SMCO4: variants seen among roughly 807,000 people sequenced by gnomAD.
SMCO4 encodes single-pass membrane and coiled-coil domain-containing protein 4.
Under a neutral mutation model 3.6 loss-of-function variants are expected in SMCO4, and 4 were observed. The observed-to-expected ratio is 1.11, with a 90% CI of 0.54 to 2.53. SMCO4 has a LOEUF of 2.53. Among genes scored for constraint, SMCO4 ranks in the 30% most tolerant of loss-of-function variants. The pLI is 0.02. For missense variants in SMCO4, 70 were observed against 80.8 expected (o/e 0.87, Z 0.51); for synonymous variants, 36 against 35.3 (o/e 1.02, Z -0.07).
chr11:93,518,163 C>T (rs908399406), intron 1 of SMCO4, among the ~76,000 whole-genome samples: 1 of 152,154 alleles, frequency 6.6e-6, no homozygotes, highest in Non-Finnish European at 1.5e-5. Context: ...TATGGATTTA[C>T]CTATTCTGGA....
At chr11:93,504,113 ATTTT>A (rs1948875667) in intron 1 of SMCO4, among the ~76,000 whole-genome samples, 2 of 152,324 alleles carry the variant, frequency 1.3e-5, no homozygotes, top group African/African-American at 2.4e-5. Context: ...AGTCTGAATT[ATTTT>A]TACAAAGAAA....
intron 1 of SMCO4, among the ~76,000 whole-genome samples, chr11:93,505,691 C>T (rs1948892074): frequency 6.6e-6 from 1 of 152,084 alleles, no homozygotes; most frequent in Non-Finnish European, 1.5e-5. Context: ...CTTGAAAATC[C>T]TTCAATCAAA....
intron 1 of SMCO4, among the ~76,000 whole-genome samples, chr11:93,531,146 T>C (rs1949158034): frequency 6.6e-6 from 1 of 152,216 alleles, no homozygotes; most frequent in East Asian, 1.9e-4. Context: ...TAAAGCAGAA[T>C]GCCTTCCCTC....
chr11:93,492,391 T>C (rs1948727517), intron 2 of SMCO4, among the ~76,000 whole-genome samples: 1 of 152,250 alleles, frequency 6.6e-6, no homozygotes, highest in South Asian at 2.1e-4. Flanking sequence ...TGCTGGGTAA[T>C]GTCCTGGTGA....
chr11:93,527,485 G>T (rs527979950), intron 1 of SMCO4, among the ~76,000 whole-genome samples: 2 of 152,248 alleles, frequency 1.3e-5, no homozygotes, highest in Non-Finnish European at 2.9e-5. Flanking sequence ...TTGAGACATG[G>T]TCTCACTGTC....
intron 1 of SMCO4, among the ~76,000 whole-genome samples, chr11:93,511,303 TCCCTGACTGTCA>T (rs1948954771): frequency 6.6e-6 from 1 of 152,182 alleles, no homozygotes; most frequent in African/African-American, 2.4e-5. Flanking sequence ...AGTTAGGTTT[TCCCTGACTGTCA>T]TGCCAGACGC....
At chr11:93,525,084 C>T (rs1455772396) in intron 1 of SMCO4, among the ~76,000 whole-genome samples, 4 of 152,158 alleles carry the variant, frequency 2.6e-5, no homozygotes, top group Non-Finnish European at 5.9e-5. Context: ...ACTGCCACTC[C>T]CAGCTGTGGT....
chr11:93,539,836 C>T (rs1171357723), intron 1 of SMCO4, among the ~76,000 whole-genome samples: 2 of 152,050 alleles, frequency 1.3e-5, no homozygotes, highest in African/African-American at 4.8e-5. Flanking sequence ...ACCAAACTAG[C>T]TTTGACCGTC....
intron 1 of SMCO4, among the ~76,000 whole-genome samples, chr11:93,537,183 G>C (rs1420628907): frequency 2.0e-5 from 3 of 152,238 alleles, no homozygotes; most frequent in Non-Finnish European, 2.9e-5. Flanking sequence ...CACCAGCAGA[G>C]CTGCTCCCAG....
At chr11:93,551,309 C>T in the SMCO4 span, among the ~76,000 whole-genome samples, 1 of 152,120 alleles carries the variant, frequency 6.6e-6, no homozygotes, top group Non-Finnish European at 1.5e-5. Context: ...GAAAGTTTGA[C>T]CAAAGAGATG....
intron 1 of SMCO4, among the ~76,000 whole-genome samples, chr11:93,538,220 C>T (rs903808338): frequency 1.3e-5 from 2 of 152,192 alleles, no homozygotes; most frequent in Non-Finnish European, 2.9e-5. Flanking sequence ...AGACTGCACC[C>T]GTCAGAGGAG....
At chr11:93,513,559 G>A (rs1156700106) in intron 1 of SMCO4, among the ~76,000 whole-genome samples, 1 of 152,164 alleles carries the variant, frequency 6.6e-6, no homozygotes, top group Non-Finnish European at 1.5e-5. Context: ...AGATAGAGGT[G>A]ATGAGGGAGA....
chr11:93,507,859 C>T (rs1323754680), intron 1 of SMCO4, among the ~76,000 whole-genome samples: 2 of 152,112 alleles, frequency 1.3e-5, no homozygotes. Flanking sequence ...AGAATGAATG[C>T]AAAAGCATTT....
chr11:93,531,410 C>T (rs1310174390), intron 1 of SMCO4, among the ~76,000 whole-genome samples: 2 of 152,118 alleles, frequency 1.3e-5, no homozygotes, highest in Non-Finnish European at 2.9e-5. Context: ...CATTGGCTCT[C>T]CTGGGTCTCA....
chr11:93,543,097 G>GGGACCCGCCGGGCGCCCA (rs1469906673), intron 1 of SMCO4, among the ~76,000 whole-genome samples, 179 bp downstream of exon 1: 1 of 151,508 alleles, frequency 6.6e-6, no homozygotes, highest in African/African-American at 2.4e-5. Context: ...AGTTGCGCTC[G>GGGACCCGCCGGGCGCCCA]GGACCCGCCG....
chr11:93,504,669 A>G (rs866687174), intron 1 of SMCO4, among the ~76,000 whole-genome samples: 21 of 152,268 alleles, frequency 1.4e-4, no homozygotes, highest in African/African-American at 4.6e-4. Context: ...GGAAGCCACC[A>G]GACCACAGGC....
intron 1 of SMCO4, among the ~76,000 whole-genome samples, chr11:93,522,344 C>T (rs1949065673): frequency 2.6e-5 from 4 of 152,172 alleles, no homozygotes; most frequent in Admixed American, 2.6e-4. Context: ...CCACTCACCC[C>T]TCTGGCTTTT....
intron 1 of SMCO4, among the ~76,000 whole-genome samples, chr11:93,535,969 G>C (rs549240646): frequency 6.6e-6 from 1 of 152,318 alleles, no homozygotes; most frequent in Non-Finnish European, 1.5e-5. Context: ...AGTGTTTATA[G>C]GATAGTTGTG....
intron 2 of SMCO4, among the ~76,000 whole-genome samples, chr11:93,485,676 T>C (rs188088878): frequency 6.6e-6 from 1 of 152,366 alleles, no homozygotes; most frequent in Non-Finnish European, 1.5e-5. Context: ...ATGCCTTTTA[T>C]ATAACAGGTG....
Sources: gnomAD v4.1 joint callset for allele counts (sites outside exome capture counted in the v4.1 genomes callset) on GRCh38, gnomAD v4.1.1 for gene constraint, MANE v1.5 for transcripts, NCBI Gene and HGNC (gene_info 2026-07-23, HGNC 2026-07-21) for gene names.